The following PKP4 variants were observed in gnomAD, a reference collection of about 807,000 sequenced individuals.
PKP4 encodes plakophilin-4.
PKP4 carries 90 observed loss-of-function variants against 145.1 expected under a neutral mutation model. That is an observed-to-expected ratio of 0.62 (90% CI 0.52 to 0.74). The LOEUF is 0.74. Ranked by LOEUF, PKP4 falls within the 30% of genes least tolerant of loss-of-function variation. The probability of loss-of-function intolerance (pLI) is 0.00; values close to 1 mark genes in which losing one functional copy is unlikely to be tolerated. For synonymous variants in PKP4, 563 were observed against 577.2 expected (o/e 0.98, Z 0.35); for missense variants, 1,340 against 1,482.7 (o/e 0.90, Z 1.58).
intron 1 of PKP4, among the ~76,000 whole-genome samples, chr2:158,495,570 T>C (rs1695578808): frequency 6.6e-6 from 1 of 151,890 alleles, no homozygotes; most frequent in Admixed American, 6.6e-5. Context: ...GTGCCGTGGC[T>C]CCCACCTGTA....
chr2:158,666,035 T>G (rs2057050305), intron 15 of PKP4: 2 of 155,016 alleles, frequency 1.3e-5, no homozygotes, highest in Non-Finnish European at 2.9e-5. Flanking sequence ...GATGGGTTAC[T>G]GTCTCTGCCA....
rs749347811 is a variant in PKP4, at chr2:158,603,073, A to C, written c.249A>C (p.Ser83=). The C allele has an allele frequency of 6.7e-7, 1 of 1,493,534 alleles. No homozygotes were observed. Among genetic ancestry groups the C allele is most frequent in the East Asian group, 2.4e-5 (1 of 41,716 alleles). The allele number at this position is 1,493,534 out of a possible 1,614,324, so 92.5% of individuals were successfully genotyped here. ...AESPSIASTS[S]TEKSFPWRST... ...TTTTTTCTTTCTTTTTCTTTAGCTC[A>C]ACTGAGAAGTCATTTCCTTGGAGAT... Residue 83 remains serine, a synonymous_variant, in exon 4 of 22, where the codon TCA becomes TCC. Transcript: ENST00000389759.
At chr2:158,508,185 C>T (rs374058358) in intron 1 of PKP4, among the ~76,000 whole-genome samples, 2,254 of 144,406 alleles carry the variant, frequency 0.016, 31 homozygotes, top group South Asian at 0.024. Context: ...GGTGAAACCC[C>T]GTCTCTATTA....
intron 2 of PKP4, among the ~76,000 whole-genome samples, chr2:158,553,152 G>A (rs955149375): frequency 5.3e-5 from 8 of 152,056 alleles, no homozygotes; most frequent in Non-Finnish European, 7.4e-5. Context: ...AAATGTGAGA[G>A]GAAAAACAAA....
intron 11 of PKP4, among the ~76,000 whole-genome samples, chr2:158,657,558 G>A (rs1253164582): frequency 6.6e-6 from 1 of 152,196 alleles, no homozygotes; most frequent in Non-Finnish European, 1.5e-5. Flanking sequence ...GGTGGATGAA[G>A]CAAATATAAC....
intron 1 of PKP4, among the ~76,000 whole-genome samples, chr2:158,501,680 A>G (rs10198528): frequency 0.42 from 60,162 of 141,918 alleles, 12,729 homozygotes; most frequent in East Asian, 0.69. Context: ...GAAGAGGGAG[A>G]TGTAAACGCC....
At chr2:158,536,817 C>T (rs774950750) in intron 2 of PKP4, among the ~76,000 whole-genome samples, 1 of 152,208 alleles carries the variant, frequency 6.6e-6, no homozygotes, top group Non-Finnish European at 1.5e-5. Flanking sequence ...TGTGTTCAAA[C>T]GCTGCGTTTT....
chr2:158,603,156 C>T (rs764389178), intron 4 of PKP4, 52 bp downstream of exon 4: 5 of 981,730 alleles, frequency 5.1e-6, no homozygotes, highest in Admixed American at 5.1e-5. Context: ...AATTACATAG[C>T]CTACTCTCTT....
chr2:158,640,615 T>A lies in PKP4; in HGVS notation c.1563-12T>A. 1 of 1,611,372 alleles carries A rather than the reference T, an allele frequency of 6.2e-7. No homozygotes were observed. The highest frequency in any genetic ancestry group is 8.5e-7 in the Non-Finnish European group (1 of 1,179,464). On this transcript the variant is annotated splice_polypyrimidine_tract_variant and intron_variant, in intron 9 of 21. Coordinates refer to ENST00000389759, the MANE Select transcript of PKP4 (RefSeq NM_003628.6). Reference sequence around the variant, plus strand: ...GGGCCTTCCTTTCTGAAGCCATGTTTTTCTCATGTAGGGAGTTTGCCTGGC... The same window carrying A: ...GGGCCTTCCTTTCTGAAGCCATGTTATTCTCATGTAGGGAGTTTGCCTGGC...
Position 158,577,403 on chromosome 2 carries a change from A to G in PKP4, c.245+20A>G, listed in dbSNP as rs202104690. 4.1e-5 allele frequency: 60 copies of G among 1,447,788 alleles called. No individual in the cohort carries two copies. The East Asian group carries it at 1.0e-3, about 25-fold the overall frequency. 89.7% of individuals were successfully genotyped at this position (1,447,788 alleles called of 1,614,324 possible). ...CACCAGGTACAGGGCCAATGGCTCC[A>G]TCTTTATGCACACTCAAGTTACATG... is the stretch of plus-strand genomic sequence containing the variant. On this transcript the variant is annotated intron_variant, in intron 3 of 21. Coordinates refer to ENST00000389759, the MANE Select transcript of PKP4 (RefSeq NM_003628.6).
intron 1 of PKP4, among the ~76,000 whole-genome samples, chr2:158,523,908 G>T (rs1039041078): frequency 8.1e-5 from 11 of 136,528 alleles, no homozygotes; most frequent in Admixed American, 5.4e-4. Context: ...TGAATGAAAT[G>T]AAGCGAGAAG....
intron 3 of PKP4, among the ~76,000 whole-genome samples, chr2:158,592,416 A>G (rs1464927287): frequency 6.6e-6 from 1 of 152,066 alleles, no homozygotes; most frequent in Non-Finnish European, 1.5e-5. Flanking sequence ...GGACTGTCCC[A>G]CATGTGAATT....
At chr2:158,589,370 G>C (rs573772070) in intron 3 of PKP4, among the ~76,000 whole-genome samples, 1 of 152,050 alleles carries the variant, frequency 6.6e-6, no homozygotes, top group African/African-American at 2.4e-5. Context: ...GAGTGTCAAG[G>C]GGGTGGGAAG....
chr2:158,648,139 T>C (rs1206474465), intron 11 of PKP4, among the ~76,000 whole-genome samples: 1 of 152,230 alleles, frequency 6.6e-6, no homozygotes, highest in African/African-American at 2.4e-5. Flanking sequence ...TCGGTAATAA[T>C]AGACTTTGTT....
At chr2:158,503,292 G>A (rs774487860) in intron 1 of PKP4, among the ~76,000 whole-genome samples, 1 of 152,136 alleles carries the variant, frequency 6.6e-6, no homozygotes, top group East Asian at 1.9e-4. Flanking sequence ...TATTTACTTG[G>A]TGGCTGGCTC....
intron 3 of PKP4, among the ~76,000 whole-genome samples, chr2:158,595,214 C>T (rs577753695): frequency 1.4e-4 from 22 of 152,192 alleles, no homozygotes; most frequent in Admixed American, 6.5e-4. Context: ...TAACAGTTAC[C>T]TATTAGTAAG....
At chr2:158,534,006 G>GT (rs999823970) in intron 2 of PKP4, among the ~76,000 whole-genome samples, 4 of 151,652 alleles carry the variant, frequency 2.6e-5, no homozygotes, top group South Asian at 2.1e-4. Flanking sequence ...TCCAGGGATG[G>GT]TTTTTTTGTT....
intron 2 of PKP4, among the ~76,000 whole-genome samples, chr2:158,551,205 C>A (rs1338414821): frequency 6.6e-6 from 1 of 152,140 alleles, no homozygotes; most frequent in Admixed American, 6.6e-5. Flanking sequence ...GTAATTAGAG[C>A]TATTAAATAG....
intron 1 of PKP4, among the ~76,000 whole-genome samples, chr2:158,521,557 A>G (rs981102353): frequency 3.0e-4 from 46 of 152,216 alleles, no homozygotes; most frequent in Admixed American, 6.5e-5. Context: ...GAACCGCCTG[A>G]TTAGAAGGTT....
Sources: allele counts gnomAD v4.1 joint callset (sites outside exome capture counted in the v4.1 genomes callset), GRCh38; gene constraint gnomAD v4.1.1; transcripts MANE v1.5; gene names NCBI Gene and HGNC (gene_info 2026-07-23, HGNC 2026-07-21).